CADPS2: variants seen among roughly 807,000 people sequenced by gnomAD.
CADPS2 encodes the protein calcium dependent secretion activator 2, also known as calcium-dependent secretion activator 2.
In CADPS2, 93 loss-of-function variants were observed where a neutral mutation model predicts 172.5. The ratio of observed to expected loss-of-function variants is 0.54; its 90% CI spans 0.46 to 0.64. The LOEUF (loss-of-function observed/expected upper bound fraction) is 0.64. Ranked by LOEUF, CADPS2 falls within the 30% of genes least tolerant of loss-of-function variation. CADPS2 has a pLI of 0.00. For missense variants in CADPS2, 1,420 were observed against 1,565.9 expected (o/e 0.91, Z 1.57); for synonymous variants, 546 against 555.2 (o/e 0.98, Z 0.23).
intron 2 of CADPS2, among the ~76,000 whole-genome samples, chr7:122,675,323 A>G (rs1338017955): frequency 1.3e-5 from 2 of 152,148 alleles, no homozygotes; most frequent in Admixed American, 1.3e-4. Flanking sequence ...CTCCCTGTTA[A>G]CGCCCTAGAT....
At chr7:122,775,015 T>C (rs1252340563) in intron 1 of CADPS2, among the ~76,000 whole-genome samples, 2 of 152,204 alleles carry the variant, frequency 1.3e-5, no homozygotes, top group African/African-American at 2.4e-5. Context: ...GTCTCTCAAC[T>C]ATGTGTGTTT....
chr7:122,427,805 T>TA (rs1480777663), intron 17 of CADPS2, among the ~76,000 whole-genome samples: 9 of 152,182 alleles, frequency 5.9e-5, no homozygotes, highest in Non-Finnish European at 1.3e-4. Context: ...TCAAGTTCTT[T>TA]AAAAAACTAG....
At chr7:122,497,114 A>C (rs1231679567) in intron 9 of CADPS2, among the ~76,000 whole-genome samples, 1 of 152,002 alleles carries the variant, frequency 6.6e-6, no homozygotes, top group Non-Finnish European at 1.5e-5. Context: ...CTTGAAGTCT[A>C]TCTTCTTGTA....
At chr7:122,510,853 G>A (rs1282843451) in intron 9 of CADPS2, among the ~76,000 whole-genome samples, 1 of 152,130 alleles carries the variant, frequency 6.6e-6, no homozygotes, top group East Asian at 1.9e-4. Flanking sequence ...TGATTTTGAA[G>A]TGTGTGCCCT....
intron 17 of CADPS2, among the ~76,000 whole-genome samples, chr7:122,426,594 A>T (rs1263829012): frequency 6.6e-6 from 1 of 152,140 alleles, no homozygotes; most frequent in Non-Finnish European, 1.5e-5. Context: ...GTACTTATAA[A>T]CCCTGTTGAT....
At chr7:122,328,086 A>T (rs2034226548) in intron 28 of CADPS2, among the ~76,000 whole-genome samples, 2 of 151,846 alleles carry the variant, frequency 1.3e-5, no homozygotes. Flanking sequence ...GCCTAACAAC[A>T]ACAAAAATCC....
intron 14 of CADPS2, among the ~76,000 whole-genome samples, chr7:122,454,350 G>A (rs776137910): frequency 3.3e-5 from 5 of 152,076 alleles, no homozygotes; most frequent in Non-Finnish European, 5.9e-5. Flanking sequence ...AGGTCACACC[G>A]CTGGGAAATG....
intron 14 of CADPS2, among the ~76,000 whole-genome samples, chr7:122,466,077 G>A (rs2055097155): frequency 6.6e-6 from 1 of 152,140 alleles, no homozygotes; most frequent in African/African-American, 2.4e-5. Context: ...CCTAACTATT[G>A]ACGAGAAGAA....
chr7:122,345,918 C>CTTTTTTTTTTTTT (rs71159791), intron 27 of CADPS2, among the ~76,000 whole-genome samples: 6 of 138,754 alleles, frequency 4.3e-5, no homozygotes, highest in Non-Finnish European at 4.6e-5. Flanking sequence ...CCGTAGATAT[C>CTTTTTTTTTTTTT]TTTTTTTTTT....
intron 2 of CADPS2, among the ~76,000 whole-genome samples, chr7:122,718,270 C>A (rs191089464): frequency 1.0e-3 from 155 of 152,078 alleles, no homozygotes; most frequent in African/African-American, 3.7e-3. Flanking sequence ...TGTCAGCATT[C>A]TCCATCATAT....
chr7:122,408,180 A>ATTT (rs35514146), intron 19 of CADPS2, among the ~76,000 whole-genome samples: 58 of 141,492 alleles, frequency 4.1e-4, no homozygotes, highest in African/African-American at 1.4e-3. Context: ...ATATACTGTT[A>ATTT]TTTTTTTTTT....
Position 122,505,966 on chromosome 7 carries a change from G to C in CADPS2, c.1542+7283C>G, listed in dbSNP as rs147696077. Among the ~76,000 whole-genome samples, 308 of 152,304 alleles carry C rather than the reference G, an allele frequency of 2.0e-3. 1 individual carries two copies. The highest frequency in any genetic ancestry group is 6.4e-3 in the African/African-American group (267 of 41,562). ...TTCCTGAATAGTACTAACACCTGTA[G>C]CTGCTGGTTTACTAGCCAGTTACCA... On this transcript the variant is annotated intron_variant, in intron 9 of 29. Coordinates refer to ENST00000449022, the MANE Select transcript of CADPS2 (RefSeq NM_017954.11).
intron 8 of CADPS2, among the ~76,000 whole-genome samples, chr7:122,534,205 A>T (rs985420051): frequency 6.6e-6 from 1 of 152,248 alleles, no homozygotes; most frequent in African/African-American, 2.4e-5. Context: ...TCTAAACTCT[A>T]GACAACTTTA....
At chr7:122,572,827 A>G (rs924284088) in intron 7 of CADPS2, among the ~76,000 whole-genome samples, 2 of 152,126 alleles carry the variant, frequency 1.3e-5, no homozygotes, top group Non-Finnish European at 2.9e-5. Context: ...GTTTCCTGAG[A>G]AAAAATCCTT....
At chr7:122,536,076 C>A (rs1333294402) in intron 8 of CADPS2, among the ~76,000 whole-genome samples, 1 of 151,964 alleles carries the variant, frequency 6.6e-6, no homozygotes, top group Non-Finnish European at 1.5e-5. Context: ...TGGGTTTCTC[C>A]AAACCTAAAT....
chr7:122,484,209 C>T (rs2057576142), intron 11 of CADPS2, among the ~76,000 whole-genome samples: 1 of 151,934 alleles, frequency 6.6e-6, no homozygotes, highest in Non-Finnish European at 1.5e-5. Context: ...ATAGAATAGC[C>T]AAAATACTTT....
chr7:122,356,244 T>G (rs1037292016), intron 27 of CADPS2, among the ~76,000 whole-genome samples: 2 of 152,178 alleles, frequency 1.3e-5, no homozygotes, highest in Non-Finnish European at 2.9e-5. Flanking sequence ...TTTGATGACC[T>G]TGAAAATTCT....
intron 3 of CADPS2, among the ~76,000 whole-genome samples, chr7:122,637,513 A>T (rs2077198351): frequency 1.3e-5 from 2 of 152,186 alleles, no homozygotes; most frequent in South Asian, 4.1e-4. Flanking sequence ...CCAGAAGTTC[A>T]GTTGATTTCT....
intron 1 of CADPS2, among the ~76,000 whole-genome samples, chr7:122,832,884 A>T (rs975145139): frequency 4.6e-5 from 7 of 152,226 alleles, no homozygotes; most frequent in African/African-American, 9.6e-5. Flanking sequence ...GCTTTTTTTT[A>T]AAAAAGACAG....
Sources: gnomAD v4.1 joint callset for allele counts (sites outside exome capture counted in the v4.1 genomes callset) on GRCh38, gnomAD v4.1.1 for gene constraint, MANE v1.5 for transcripts, NCBI Gene and HGNC (gene_info 2026-07-23, HGNC 2026-07-21) for gene names.